The following MASP1 variants were observed in gnomAD, a reference collection of about 807,000 sequenced individuals.
MASP1 encodes MBL associated serine protease 1.
MASP1 carries 59 observed loss-of-function variants against 77.1 expected under a neutral mutation model. The observed-to-expected ratio is 0.77, with a 90% CI of 0.62 to 0.95. The LOEUF (loss-of-function observed/expected upper bound fraction) is 0.95. MASP1 is among the 40% of genes least tolerant of loss of function. The pLI is 0.00. For synonymous variants in MASP1, 362 were observed against 354.5 expected (o/e 1.02, Z -0.24); for missense variants, 885 against 912.9 (o/e 0.97, Z 0.39).
In MASP1 at chr3:187,234,791, C is replaced by T; in HGVS notation, c.*893G>A. 7.8e-7 allele frequency: 1 copy of T among 1,287,250 alleles called. No individual in the cohort carries two copies. 79.7% of individuals were successfully genotyped at this position (1,287,250 alleles called of 1,614,324 possible). The stretch of plus-strand genomic sequence containing the variant: ...CTTTTTCCAGGTAATCGACTAAGTC[C>T]CCATATTCGGGCCTGGGCTTCAGGT... On this transcript the variant is annotated 3_prime_UTR_variant, in exon 11 of 11. Transcript: ENST00000296280.
intron 1 of MASP1, 37 bp from the exon 2 acceptor site, chr3:187,286,093 AAC>A: frequency 6.7e-7 from 1 of 1,495,340 alleles, no homozygotes; most frequent in Non-Finnish European, 9.3e-7. Flanking sequence ...TACATTTATA[AAC>A]ACAGGCCCCT....
intron 8 of MASP1, among the ~76,000 whole-genome samples, chr3:187,245,888 C>G (rs1223020236): frequency 1.3e-5 from 2 of 152,232 alleles, no homozygotes; most frequent in African/African-American, 4.8e-5. Context: ...TCTTGACCTA[C>G]AGTTCCAAGT....
At chr3:187,233,517 T>C (rs1712897233), downstream of MASP1, among the ~76,000 whole-genome samples, 2 of 152,210 alleles carry the variant, frequency 1.3e-5, no homozygotes, top group South Asian at 4.1e-4. Flanking sequence ...TCTGTTCCTT[T>C]TACATTTAAC....
intron 13 of MASP1, among the ~76,000 whole-genome samples, chr3:187,223,392 T>G (rs1322018494): frequency 1.3e-5 from 2 of 151,746 alleles, no homozygotes; most frequent in Non-Finnish European, 2.9e-5. Context: ...GGGCACTGGT[T>G]TCTATGATGT....
intron 13 of MASP1, among the ~76,000 whole-genome samples, chr3:187,224,705 T>C (rs1050615092): frequency 6.6e-6 from 1 of 152,198 alleles, no homozygotes; most frequent in African/African-American, 2.4e-5. Flanking sequence ...CATTCTGCTT[T>C]GTGGTACTAG....
In MASP1 at chr3:187,250,324, A is replaced by T; in HGVS notation, c.1017T>A (p.Asn339Lys). Residue 339 changes from asparagine to lysine, a missense_variant, in exon 8 of 11, where the codon AAT becomes AAA. Coordinates refer to ENST00000296280, the MANE Select transcript of MASP1 (RefSeq NM_139125.4). ...CAATCTGGAATGTGTCCATCTCCAC[A>T]TTATCCTGGGAAGAGACAGGAAGAA... ...CDTGYKVLKD[N>K]VEMDTFQIEC... The T allele has an allele frequency of 2.5e-6, 4 of 1,612,402 alleles. No homozygotes were observed. The highest frequency in any genetic ancestry group is 3.4e-6 in the Non-Finnish European group (4 of 1,178,458).
At chr3:187,225,505 C>A (rs1299446300) in exon 13 of MASP1, 11 of 1,614,004 alleles carry the variant, frequency 6.8e-6, no homozygotes, top group Admixed American at 3.3e-5. Context: ...GCCTCCAATG[C>A]TTGCCTGGGC....
chr3:187,272,053 A>G (rs1004638477), intron 2 of MASP1, among the ~76,000 whole-genome samples: 10 of 152,216 alleles, frequency 6.6e-5, no homozygotes, highest in Admixed American at 3.9e-4. Flanking sequence ...GTCAGGGGAC[A>G]GTTTTTGTGA....
chr3:187,219,760 C>T (rs896204589), exon 16 of MASP1: 46 of 414,258 alleles, frequency 1.1e-4, no homozygotes, highest in South Asian at 8.1e-4. Flanking sequence ...CAGACTTTTA[C>T]GAGGTAGGTA....
At chr3:187,223,015 C>A in intron 14 of MASP1, 1 of 928,782 alleles carries the variant, frequency 1.1e-6, no homozygotes, top group Non-Finnish European at 1.8e-6. Flanking sequence ...CCTAGTTTCC[C>A]ACTCACCAAC....
At chr3:187,264,865 A>G (rs1715887950) in intron 2 of MASP1, among the ~76,000 whole-genome samples, 1 of 152,164 alleles carries the variant, frequency 6.6e-6, no homozygotes, top group Admixed American at 6.5e-5. Flanking sequence ...GAGTAACTGC[A>G]TGAACTAGAG....
At chr3:187,285,526 A>C (rs1332572790) in intron 2 of MASP1, among the ~76,000 whole-genome samples, 1 of 151,882 alleles carries the variant, frequency 6.6e-6, no homozygotes, top group Non-Finnish European at 1.5e-5. Flanking sequence ...TTGTTGAATT[A>C]AAGGTGATCT....
At chr3:187,220,625 G>A (rs1560225451) in intron 15 of MASP1, among the ~76,000 whole-genome samples, 1 of 151,216 alleles carries the variant, frequency 6.6e-6, no homozygotes, top group Non-Finnish European at 1.5e-5. Flanking sequence ...AGCCTCCCGA[G>A]TAGCTGGGAC....
At chr3:187,233,471 A>G (rs1292200442), downstream of MASP1, among the ~76,000 whole-genome samples, 2 of 152,168 alleles carry the variant, frequency 1.3e-5, no homozygotes, top group African/African-American at 4.8e-5. Context: ...GCTGTATGAT[A>G]TAGCCCCTTC....
chr3:187,241,994 G>T, intron 9 of MASP1: 1 of 191,138 alleles, frequency 5.2e-6, no homozygotes, highest in Non-Finnish European at 1.1e-5. Context: ...CTCCTGCCTG[G>T]CTGAGGGCTG....
intron 2 of MASP1, among the ~76,000 whole-genome samples, chr3:187,283,147 T>C (rs1717572638): frequency 6.6e-6 from 1 of 152,212 alleles, no homozygotes; most frequent in African/African-American, 2.4e-5. Flanking sequence ...AGGGCCCATG[T>C]CCATCTACTT....
chr3:187,239,857 G>A lies in MASP1; in HGVS notation c.1303+1624C>T, dbSNP rs568249401. ...TACCCCTTCATTCATAGACAACCAG[G>A]CATTGTTACTTCCTTCTTCTCTGGG... is the stretch of plus-strand genomic sequence containing the variant. On this transcript the variant is annotated intron_variant, in intron 10 of 10. Transcript: ENST00000296280. 1.3e-4 allele frequency among the ~76,000 whole-genome samples: 20 copies of A among 152,232 alleles called. No individual in the cohort carries two copies. In the South Asian group the frequency reaches 3.9e-3, roughly 30 times the overall value.
chr3:187,244,017 A>C (rs1579499221), intron 8 of MASP1: 6 of 246,602 alleles, frequency 2.4e-5, no homozygotes, highest in East Asian at 9.0e-5. Context: ...TAGTGAGAAA[A>C]CTCTAGCTGA....
Position 187,291,698 on chromosome 3 carries a change from C to G in MASP1, c.-66G>C. The G allele has an allele frequency of 5.0e-6, 8 of 1,604,164 alleles. No homozygotes were observed. Among genetic ancestry groups the G allele is most frequent in the Non-Finnish European group, 6.8e-6 (8 of 1,170,982 alleles). The stretch of plus-strand genomic sequence containing the variant: ...TCCCAGCTTGACTTGCCTGTGAGCT[C>G]GTGCCCGGTGTGGTGTCCGTGATGC... On this transcript the variant is annotated 5_prime_UTR_variant, in exon 1 of 11. Transcript: ENST00000296280.
Sources: gnomAD v4.1 joint callset for allele counts (sites outside exome capture counted in the v4.1 genomes callset) on GRCh38, gnomAD v4.1.1 for gene constraint, MANE v1.5 for transcripts, NCBI Gene and HGNC (gene_info 2026-07-23, HGNC 2026-07-21) for gene names.